The following IQCM variants were observed in gnomAD, a reference collection of about 807,000 sequenced individuals.
The protein encoded by IQCM is IQ motif containing M, also known as IQ domain-containing protein M.
IQCM carries 45 observed loss-of-function variants against 57.6 expected under a neutral mutation model. That is an observed-to-expected ratio of 0.78 (90% confidence interval 0.62 to 1.00). The LOEUF is 1.00. Ranked by LOEUF, IQCM falls within the 50% of genes least tolerant of loss-of-function variation. IQCM has a pLI of 0.00. For synonymous variants in IQCM, 148 were observed against 158.9 expected (o/e 0.93, Z 0.51); for missense variants, 468 against 511.6 (o/e 0.91, Z 0.82).
chr4:149,689,480 A>G lies in IQCM; in HGVS notation c.386-3012T>C, dbSNP rs552953412. On this transcript the variant is annotated intron_variant, in intron 5 of 13. Coordinates refer to ENST00000636793, the MANE Select transcript of IQCM (RefSeq NM_001363507.2). Reference sequence around the variant, plus strand: ...GACAGGTGCAGCAAACCACCATGGCACATGTATACCTATGTAACAAACCTG... The same window carrying G: ...GACAGGTGCAGCAAACCACCATGGCGCATGTATACCTATGTAACAAACCTG... Among the ~76,000 whole-genome samples, 6 of 152,190 alleles carry G rather than the reference A, an allele frequency of 3.9e-5. 1 individual carries two copies. Among genetic ancestry groups the G allele is most frequent in the South Asian group, 4.1e-4 (2 of 4,820 alleles).
chr4:149,697,013 T>C (rs1237011094), intron 5 of IQCM, among the ~76,000 whole-genome samples: 1 of 152,168 alleles, frequency 6.6e-6, no homozygotes, highest in Non-Finnish European at 1.5e-5. Flanking sequence ...TCACTTTCTC[T>C]GGTCCATCCT....
At chr4:149,359,830 A>G (rs1314941108) in intron 13 of IQCM, among the ~76,000 whole-genome samples, 1 of 152,192 alleles carries the variant, frequency 6.6e-6, no homozygotes. Flanking sequence ...TAATCTTTGT[A>G]GAGCAACTTG....
At chr4:149,810,362 CAAAA>C (rs748565416) in intron 2 of IQCM, among the ~76,000 whole-genome samples, 4 of 86,230 alleles carry the variant, frequency 4.6e-5, no homozygotes, top group Admixed American at 1.1e-4. Context: ...ACACCATCTC[CAAAA>C]AAAAAAAAAA....
At chr4:149,799,464 G>A (rs1262649580) in intron 2 of IQCM, among the ~76,000 whole-genome samples, 1 of 151,192 alleles carries the variant, frequency 6.6e-6, no homozygotes, top group Non-Finnish European at 1.5e-5. Context: ...CCCAAAATTA[G>A]TAGAAGAAAA....
At chr4:149,401,955 G>C (rs1732645296) in intron 13 of IQCM, among the ~76,000 whole-genome samples, 1 of 151,644 alleles carries the variant, frequency 6.6e-6, no homozygotes, top group African/African-American at 2.4e-5. Flanking sequence ...ATGTTCAATT[G>C]GATGATGTGG....
chr4:149,544,964 C>A (rs1748236899), intron 12 of IQCM, among the ~76,000 whole-genome samples: 1 of 152,046 alleles, frequency 6.6e-6, no homozygotes, highest in South Asian at 2.1e-4. Context: ...AGGGGAAAAA[C>A]ACTGTGAAGG....
intron 7 of IQCM, among the ~76,000 whole-genome samples, chr4:149,645,502 C>T (rs567785504): frequency 1.3e-5 from 2 of 152,250 alleles, no homozygotes; most frequent in African/African-American, 4.8e-5. Context: ...AGATTAAGAA[C>T]CAGAACATTT....
intron 7 of IQCM, among the ~76,000 whole-genome samples, chr4:149,663,549 C>T (rs561691934): frequency 1.3e-5 from 2 of 151,954 alleles, no homozygotes; most frequent in Admixed American, 6.6e-5. Flanking sequence ...CTGAAGGAAA[C>T]CTTTGATAGG....
At chr4:149,750,337 C>T (rs775940894) in intron 2 of IQCM, among the ~76,000 whole-genome samples, 5 of 152,150 alleles carry the variant, frequency 3.3e-5, no homozygotes, top group Non-Finnish European at 5.9e-5. Context: ...CCTCATATGC[C>T]GAGAGAAAGG....
intron 7 of IQCM, among the ~76,000 whole-genome samples, chr4:149,655,105 C>A (rs1690022983): frequency 6.6e-6 from 1 of 151,986 alleles, no homozygotes; most frequent in Non-Finnish European, 1.5e-5. Context: ...ACATGAATGA[C>A]CTACCTGTAA....
intron 2 of IQCM, among the ~76,000 whole-genome samples, chr4:149,747,301 G>A (rs1158610978): frequency 1.3e-5 from 2 of 152,132 alleles, no homozygotes; most frequent in Non-Finnish European, 2.9e-5. Flanking sequence ...ATGAAGGATC[G>A]ATTCCAAGAC....
At chr4:149,712,398 A>G (rs371376636) in intron 5 of IQCM, among the ~76,000 whole-genome samples, 22 of 152,204 alleles carry the variant, frequency 1.4e-4, no homozygotes, top group Middle Eastern at 6.8e-3. Context: ...GTCTTCTGAT[A>G]TAACTCAGGG....
At chr4:149,800,105 C>T (rs149802268) in intron 2 of IQCM, among the ~76,000 whole-genome samples, 3,342 of 151,944 alleles carry the variant, frequency 0.022, 65 homozygotes, top group South Asian at 0.036. Flanking sequence ...CAACAAAATA[C>T]TAGCAAACCA....
intron 2 of IQCM, among the ~76,000 whole-genome samples, chr4:149,762,046 T>C (rs1769572138): frequency 6.6e-6 from 1 of 151,994 alleles, no homozygotes; most frequent in Admixed American, 6.6e-5. Flanking sequence ...CATAAAGAAC[T>C]GAAGAATTTA....
chr4:149,622,016 G>A (rs1561070910), intron 7 of IQCM, among the ~76,000 whole-genome samples: 1 of 152,032 alleles, frequency 6.6e-6, no homozygotes, highest in Non-Finnish European at 1.5e-5. Flanking sequence ...ATTTAATAAA[G>A]TCATCCATGG....
intron 12 of IQCM, among the ~76,000 whole-genome samples, chr4:149,506,024 T>A (rs1345111680): frequency 6.6e-6 from 1 of 152,194 alleles, no homozygotes; most frequent in Admixed American, 6.5e-5. Context: ...CTCTTACTTA[T>A]CCACAAGATC....
At chr4:149,579,452 C>T (rs1446478793) in intron 9 of IQCM, among the ~76,000 whole-genome samples, 3 of 151,828 alleles carry the variant, frequency 2.0e-5, no homozygotes, top group African/African-American at 7.2e-5. Flanking sequence ...TTTGTTCTGC[C>T]TATCAGAGCA....
intron 2 of IQCM, among the ~76,000 whole-genome samples, chr4:149,777,312 A>G (rs980497479): frequency 2.0e-5 from 3 of 152,200 alleles, no homozygotes; most frequent in African/African-American, 7.2e-5. Context: ...AGAGCATTCA[A>G]TGCAGACAAG....
intron 2 of IQCM, among the ~76,000 whole-genome samples, chr4:149,800,750 C>T (rs1580332757): frequency 6.6e-6 from 1 of 151,672 alleles, no homozygotes; most frequent in East Asian, 1.9e-4. Context: ...AAAATAGCCA[C>T]ACATAAATTT....
Sources: allele counts gnomAD v4.1 joint callset (sites outside exome capture counted in the v4.1 genomes callset), GRCh38; gene constraint gnomAD v4.1.1; transcripts MANE v1.5; gene names NCBI Gene and HGNC (gene_info 2026-07-23, HGNC 2026-07-21).